The following RNF144A variants were observed in gnomAD, a reference collection of about 807,000 sequenced individuals.
The protein encoded by RNF144A is E3 ubiquitin-protein ligase RNF144A.
RNF144A carries 11 observed loss-of-function variants against 38.7 expected under a neutral mutation model. The ratio of observed to expected loss-of-function variants is 0.28; its 90% CI spans 0.18 to 0.47. The LOEUF is 0.47. Ranked by LOEUF, RNF144A falls within the 20% of genes least tolerant of loss-of-function variation. The probability of loss-of-function intolerance (pLI) is 0.99; values close to 1 mark genes in which losing one functional copy is unlikely to be tolerated. For missense variants in RNF144A, 316 were observed against 377.2 expected (o/e 0.84, Z 1.34); for synonymous variants, 149 against 143.9 (o/e 1.04, Z -0.25).
chr2:6,934,168 G>C (rs1665397663), intron 1 of RNF144A, among the ~76,000 whole-genome samples: 1 of 152,072 alleles, frequency 6.6e-6, no homozygotes, highest in Admixed American at 6.5e-5. Context: ...AACAGTATTG[G>C]GTTTTTATTC....
In RNF144A at chr2:7,040,321, G is replaced by A. The variant is rs1368287520; in HGVS notation, c.*561G>A. 3.2e-5 allele frequency: 32 copies of A among 985,500 alleles called. No individual in the cohort carries two copies. The highest frequency in any genetic ancestry group is 3.7e-5 in the Non-Finnish European group (31 of 830,020). 61.0% of individuals were successfully genotyped at this position (985,500 alleles called of 1,614,324 possible). A position where few individuals can be genotyped will look rare whatever the true frequency, so the allele number is the denominator to read the frequency against. ...AACCATCCTATGCCTTTCTTGAAAT[G>A]TGCATTTTAAGAAGTTATAGTTAAA... On this transcript the variant is annotated 3_prime_UTR_variant, in exon 9 of 9. Coordinates refer to ENST00000320892, the MANE Select transcript of RNF144A (RefSeq NM_014746.6).
intron 1 of RNF144A, among the ~76,000 whole-genome samples, chr2:6,930,995 A>G (rs1665174290): frequency 6.6e-6 from 1 of 152,246 alleles, no homozygotes; most frequent in Non-Finnish European, 1.5e-5. Context: ...CCTATTATTA[A>G]TAAACTGGAC....
chr2:7,069,446 C>T (rs551221934), downstream of RNF144A, among the ~76,000 whole-genome samples: 1 of 152,338 alleles, frequency 6.6e-6, no homozygotes, highest in African/African-American at 2.4e-5. Flanking sequence ...ATTTTCCCTT[C>T]TGAGTGGCTT....
intron 3 of RNF144A, among the ~76,000 whole-genome samples, chr2:7,012,118 C>T (rs1008515687): frequency 2.6e-5 from 4 of 152,152 alleles, no homozygotes; most frequent in South Asian, 2.1e-4. Context: ...ATTGGTTTAA[C>T]GCACTCCAGT....
At chr2:7,008,991 C>T (rs569896664) in intron 3 of RNF144A, among the ~76,000 whole-genome samples, 2 of 152,356 alleles carry the variant, frequency 1.3e-5, no homozygotes, top group Admixed American at 6.5e-5. Flanking sequence ...ATTCCGTCCA[C>T]ATCTTCACTG....
intron 1 of RNF144A, among the ~76,000 whole-genome samples, chr2:6,937,688 C>T (rs1000094587): frequency 6.6e-6 from 1 of 152,120 alleles, no homozygotes; most frequent in Admixed American, 6.5e-5. Context: ...AGATGCTGCT[C>T]AGGACTGAGG....
intron 3 of RNF144A, among the ~76,000 whole-genome samples, chr2:7,004,930 TCA>T (rs1383551657): frequency 1.3e-5 from 2 of 152,254 alleles, no homozygotes; most frequent in Non-Finnish European, 2.9e-5. Flanking sequence ...ATGTTGATGC[TCA>T]CACATTACAT....
At chr2:6,938,232 CCCT>C (rs1665720132) in intron 1 of RNF144A, among the ~76,000 whole-genome samples, 2 of 137,564 alleles carry the variant, frequency 1.5e-5, no homozygotes, top group Non-Finnish European at 3.2e-5. Context: ...CCTCCCCTCC[CCCT>C]CTCCCCTCCC....
intron 1 of RNF144A, among the ~76,000 whole-genome samples, chr2:6,925,232 G>C (rs184724683): frequency 7.5e-4 from 114 of 152,202 alleles, no homozygotes; most frequent in Admixed American, 2.4e-3. Flanking sequence ...GATGGGGCTG[G>C]CTGTATCCTC....
intron 5 of RNF144A, among the ~76,000 whole-genome samples, chr2:7,018,396 A>G (rs1233306519): frequency 6.6e-6 from 1 of 152,250 alleles, no homozygotes; most frequent in East Asian, 1.9e-4. Flanking sequence ...CACAGCACTC[A>G]CAGAGGGCAG....
chr2:6,925,357 G>A (rs1279717034), intron 1 of RNF144A, among the ~76,000 whole-genome samples: 2 of 152,140 alleles, frequency 1.3e-5, no homozygotes, highest in African/African-American at 4.8e-5. Context: ...CAGAGTGGTG[G>A]ATAGGGCCAG....
At chr2:7,028,481 C>T (rs1296015550) in intron 7 of RNF144A, among the ~76,000 whole-genome samples, 1 of 152,198 alleles carries the variant, frequency 6.6e-6, no homozygotes, top group Non-Finnish European at 1.5e-5. Flanking sequence ...CTCGGATGTG[C>T]AGCCAGGCTT....
At chr2:6,964,084 A>G (rs1165905321) in intron 2 of RNF144A, among the ~76,000 whole-genome samples, 1 of 152,138 alleles carries the variant, frequency 6.6e-6, no homozygotes, top group Non-Finnish European at 1.5e-5. Context: ...AAAAAACAGA[A>G]AACAAAAAAA....
In RNF144A at chr2:6,996,941, G is replaced by T. The variant is rs748194290; in HGVS notation, c.15G>T (p.Arg5Ser). 1.4e-5 allele frequency: 22 copies of T among 1,613,822 alleles called. 1 individual carries two copies. In the South Asian group the frequency reaches 2.3e-4, roughly 17 times the overall value. MTTT[R>S]YRPTWDLALD... ...ACTGTTCTGCGATGACCACAACAAGGTACCGGCCCACCTGGGACCTGGCCC... is the reference window on the plus strand; with the variant it reads ...ACTGTTCTGCGATGACCACAACAAGTTACCGGCCCACCTGGGACCTGGCCC... Residue 5 changes from arginine to serine, a missense_variant, in exon 3 of 9, where the codon AGG becomes AGT. Coordinates refer to ENST00000320892, the MANE Select transcript of RNF144A (RefSeq NM_014746.6).
intron 1 of RNF144A, among the ~76,000 whole-genome samples, chr2:6,927,537 C>G (rs978568303): frequency 6.6e-6 from 1 of 152,214 alleles, no homozygotes; most frequent in Non-Finnish European, 1.5e-5. Flanking sequence ...GGCAGGACTT[C>G]TTCCTTGTGT....
At chr2:6,949,780 A>G (rs935303251) in intron 2 of RNF144A, among the ~76,000 whole-genome samples, 1 of 152,176 alleles carries the variant, frequency 6.6e-6, no homozygotes, top group Admixed American at 6.5e-5. Flanking sequence ...TTTGTATTTG[A>G]GTTCTAAAAG....
At chr2:7,063,106 A>G (rs1267279145) in intron 6 of RNF144A, among the ~76,000 whole-genome samples, 1 of 152,252 alleles carries the variant, frequency 6.6e-6, no homozygotes, top group Admixed American at 6.5e-5. Flanking sequence ...ATTAGAGGGC[A>G]AAACCTAGAT....
intron 2 of RNF144A, among the ~76,000 whole-genome samples, chr2:6,972,247 G>A (rs1359151712): frequency 6.6e-6 from 1 of 152,132 alleles, no homozygotes; most frequent in South Asian, 2.1e-4. Flanking sequence ...TCAGTCATTT[G>A]CCAGGCAGGT....
At chr2:6,963,109 C>T (rs886299661) in intron 2 of RNF144A, among the ~76,000 whole-genome samples, 2 of 152,200 alleles carry the variant, frequency 1.3e-5, no homozygotes, top group Non-Finnish European at 2.9e-5. Context: ...TTTTCTGAAT[C>T]GTGCCTTGTT....
Sources: allele counts gnomAD v4.1 joint callset (sites outside exome capture counted in the v4.1 genomes callset), GRCh38; gene constraint gnomAD v4.1.1; transcripts MANE v1.5; gene names NCBI Gene and HGNC (gene_info 2026-07-23, HGNC 2026-07-21).